Variants in PARK7 observed in about 807,000 individuals in gnomAD.
PARK7 encodes Parkinson disease protein 7.
Under a neutral mutation model 20.5 loss-of-function variants are expected in PARK7, and 14 were observed. The observed-to-expected ratio is 0.68, with a 90% CI of 0.45 to 1.07. PARK7 has a LOEUF of 1.07. Ranked by LOEUF, PARK7 falls within the 50% of genes least tolerant of loss-of-function variation. The probability of loss-of-function intolerance (pLI) is 0.00; values close to 1 mark genes in which losing one functional copy is unlikely to be tolerated. For missense variants in PARK7, 234 were observed against 238.1 expected (o/e 0.98, Z 0.11); for synonymous variants, 98 against 84.3 (o/e 1.16, Z -0.89).
At chr1:7,979,693 G>C (rs556158755) in intron 6 of PARK7, among the ~76,000 whole-genome samples, 1 of 152,022 alleles carries the variant, frequency 6.6e-6, no homozygotes, top group South Asian at 2.1e-4. Flanking sequence ...GTAGAGACAG[G>C]GTCTAACCAT....
intron 5 of PARK7, 106 bp downstream of exon 5, chr1:7,971,069 G>A (rs1340793325): frequency 8.2e-7 from 1 of 1,216,830 alleles, no homozygotes; most frequent in East Asian, 2.4e-5. Context: ...AAGCATGCAG[G>A]GCATCTGTGT....
chr1:7,963,002 A>G (rs980711260), intron 2 of PARK7, 127 bp downstream of exon 2: 11 of 769,678 alleles, frequency 1.4e-5, no homozygotes, highest in African/African-American at 3.4e-5. Context: ...CAGAGATGAC[A>G]TAAGAATAAA....
chr1:7,963,805 C>A (rs1180920805), intron 2 of PARK7, among the ~76,000 whole-genome samples: 1 of 145,040 alleles, frequency 6.9e-6, no homozygotes, highest in African/African-American at 2.6e-5. Flanking sequence ...TCTTGTGTAT[C>A]CATGCATGTG....
In PARK7 at chr1:7,984,773, T is replaced by G. The variant is rs1640783526; in HGVS notation, c.410-121T>G. 1 of 1,257,388 alleles carries G rather than the reference T, an allele frequency of 8.0e-7. No individual in the cohort carries two copies. The allele number at this position is 1,257,388 out of a possible 1,614,324, so 77.9% of individuals were successfully genotyped here. Reference sequence around the variant, plus strand: ...GAGCTTGGAGTGCCTAGTAAATGTTTTTGAATGGTTAGCTACAGTGTTGGG... The same window carrying G: ...GAGCTTGGAGTGCCTAGTAAATGTTGTTGAATGGTTAGCTACAGTGTTGGG... On this transcript the variant is annotated intron_variant, in intron 6 of 6. Coordinates refer to ENST00000338639, the MANE Select transcript of PARK7 (RefSeq NM_007262.5). This position sits in a 1 kb window ranked among gnomAD's most constrained non-coding sequence, Gnocchi z 4.3.
chr1:7,976,845 C>T (rs1398878321), intron 5 of PARK7, among the ~76,000 whole-genome samples: 1 of 152,142 alleles, frequency 6.6e-6, no homozygotes, highest in African/African-American at 2.4e-5. Flanking sequence ...CTCAGCCTCC[C>T]GAGTAGCTGG....
intron 3 of PARK7, among the ~76,000 whole-genome samples, chr1:7,968,353 A>G (rs1640373855): frequency 6.6e-6 from 1 of 151,840 alleles, no homozygotes; most frequent in South Asian, 2.1e-4. Flanking sequence ...AAAAAGTCCT[A>G]AAGTATTGTT....
At chr1:7,971,039 A>G (rs938760605) in intron 5 of PARK7, 76 bp downstream of exon 5, 16 of 1,474,358 alleles carry the variant, frequency 1.1e-5, no homozygotes, top group Non-Finnish European at 1.5e-5. Flanking sequence ...TTTGATTCCA[A>G]ATAGCTCTTC....
intron 3 of PARK7, chr1:7,969,081 A>G: frequency 2.5e-6 from 1 of 405,410 alleles, no homozygotes; most frequent in Non-Finnish European, 4.5e-6. Flanking sequence ...CTTGTCTTTT[A>G]CAGGAAGGAG....
Position 7,975,106 on chromosome 1 carries a change from G to C in PARK7, c.323-2546G>C, listed in dbSNP as rs1257134032. On this transcript the variant is annotated intron_variant, in intron 5 of 6. Transcript: ENST00000338639. ...CCTGATCTCGTGATCCGCCCACCTTGGCCTCCCAAAGTGCTAGGATTACAG... is the reference window on the plus strand; with the variant it reads ...CCTGATCTCGTGATCCGCCCACCTTCGCCTCCCAAAGTGCTAGGATTACAG... Among the ~76,000 whole-genome samples, 4 of 151,978 alleles carry C rather than the reference G, an allele frequency of 2.6e-5. No homozygotes were observed. In the South Asian group the frequency reaches 8.3e-4, roughly 32 times the overall value.
chr1:7,964,146 G>C (rs1640274496), intron 2 of PARK7, among the ~76,000 whole-genome samples: 1 of 152,110 alleles, frequency 6.6e-6, no homozygotes, highest in South Asian at 2.1e-4. Context: ...TTTGACCGTG[G>C]TTCTCATTTT....
chr1:7,975,149 C>A (rs566232157), intron 5 of PARK7, among the ~76,000 whole-genome samples: 40 of 152,242 alleles, frequency 2.6e-4, no homozygotes, highest in African/African-American at 9.6e-4. Flanking sequence ...CCACCGCACC[C>A]AGCCAAGATT....
At chr1:7,969,546 C>T in intron 4 of PARK7, 142 bp downstream of exon 4, 1 of 705,092 alleles carries the variant, frequency 1.4e-6, no homozygotes, top group Admixed American at 2.6e-5. Context: ...ATAGAAACAA[C>T]TAAAATTAAC....
chr1:7,962,560 T>G (rs1342279081), intron 1 of PARK7, among the ~76,000 whole-genome samples: 1 of 152,176 alleles, frequency 6.6e-6, no homozygotes, highest in Non-Finnish European at 1.5e-5. Flanking sequence ...CATTATGTTT[T>G]CATCTCAGAG....
Position 7,968,778 on chromosome 1 carries a change from A to G in PARK7, c.193-567A>G, listed in dbSNP as rs190498237. The stretch of plus-strand genomic sequence containing the variant: ...GTAATCTTCCTGCCTTGGCCTCCCA[A>G]AGTGCTGGGATTACAGACATGAGCC... On this transcript the variant is annotated intron_variant, in intron 3 of 6. Transcript: ENST00000338639. Among the ~76,000 whole-genome samples, 31 of 152,264 alleles carry G rather than the reference A, an allele frequency of 2.0e-4. No homozygotes were observed. The East Asian group carries it at 5.8e-3, about 28-fold the overall frequency.
intron 6 of PARK7, among the ~76,000 whole-genome samples, chr1:7,983,524 G>A (rs1640754914): frequency 6.6e-6 from 1 of 152,246 alleles, no homozygotes; most frequent in South Asian, 2.1e-4. Flanking sequence ...CAGAGAGCAG[G>A]TTCCTTTCCA....
intron 4 of PARK7, among the ~76,000 whole-genome samples, chr1:7,970,242 C>T (rs558874330): frequency 6.6e-6 from 1 of 152,094 alleles, no homozygotes; most frequent in East Asian, 1.9e-4. Context: ...ATTGGTGGGA[C>T]CGTTATGAAC....
At chr1:7,979,905 C>G (rs1204907557) in intron 6 of PARK7, among the ~76,000 whole-genome samples, 3 of 152,044 alleles carry the variant, frequency 2.0e-5, no homozygotes, top group African/African-American at 7.3e-5. Context: ...GCCTGTAATC[C>G]CAGCACTTGG....
intron 6 of PARK7, among the ~76,000 whole-genome samples, chr1:7,981,675 T>TTC: frequency 6.6e-6 from 1 of 151,364 alleles, no homozygotes. Context: ...TTTTTTTTTT[T>TTC]TGAGACAGAG....
chr1:7,972,453 A>G (rs1640485521), intron 5 of PARK7, among the ~76,000 whole-genome samples: 1 of 151,980 alleles, frequency 6.6e-6, no homozygotes, highest in South Asian at 2.1e-4. Context: ...GAGTGACACC[A>G]TGTCTTTCAA....
Sources: gnomAD v4.1 joint callset for allele counts (sites outside exome capture counted in the v4.1 genomes callset) on GRCh38, gnomAD v4.1.1 for gene constraint, Gnocchi (gnomAD v3.1) non-coding constraint, MANE v1.5 for transcripts, NCBI Gene and HGNC (gene_info 2026-07-23, HGNC 2026-07-21) for gene names.